ENTREP2: variants seen among roughly 807,000 people sequenced by gnomAD.
ENTREP2 encodes endosomal transmembrane epsin interactor 2, also known as protein ENTREP2.
the ENTREP2 span, among the ~76,000 whole-genome samples, chr15:29,263,523 T>C: frequency 6.6e-6 from 1 of 152,188 alleles, no homozygotes; most frequent in Admixed American, 6.5e-5. Flanking sequence ...ATGTGGATGG[T>C]GTGGCAGAGA....
At chr15:29,126,257 G>T in the ENTREP2 span, 1 of 1,455,762 alleles carries the variant, frequency 6.9e-7, no homozygotes, top group Non-Finnish European at 9.1e-7. Context: ...GGTGAGCCTG[G>T]CCAACCTACC....
At chr15:29,489,126 TCAGTA>T in the ENTREP2 span, among the ~76,000 whole-genome samples, 1 of 144,462 alleles carries the variant, frequency 6.9e-6, no homozygotes, top group Non-Finnish European at 1.5e-5. Context: ...TAATTTCACC[TCAGTA>T]AAGAAAAATA....
At chr15:29,573,638 TCTCCCCCCC>T in the ENTREP2 span, among the ~76,000 whole-genome samples, 1 of 151,694 alleles carries the variant, frequency 6.6e-6, no homozygotes, top group Non-Finnish European at 1.5e-5. Context: ...CTTCTCTCTC[TCTCCCCCCC>T]TCTCTCTCTC....
the ENTREP2 span, among the ~76,000 whole-genome samples, chr15:29,316,048 A>C: frequency 6.6e-6 from 1 of 152,256 alleles, no homozygotes; most frequent in Non-Finnish European, 1.5e-5. Flanking sequence ...AATGATAACT[A>C]GAATTTTCAG....
the ENTREP2 span, among the ~76,000 whole-genome samples, chr15:29,273,497 G>A: frequency 7.9e-5 from 12 of 152,058 alleles, no homozygotes; most frequent in Admixed American, 1.3e-4. Context: ...CGCTCCTGGC[G>A]TAAATTAAAT....
the ENTREP2 span, among the ~76,000 whole-genome samples, chr15:29,410,524 G>C: frequency 6.6e-6 from 1 of 151,908 alleles, no homozygotes. Flanking sequence ...CCCCTCAGGA[G>C]CCAGCACGAT....
At chr15:29,395,703 T>A in the ENTREP2 span, among the ~76,000 whole-genome samples, 2 of 118,570 alleles carry the variant, frequency 1.7e-5, no homozygotes, top group Non-Finnish European at 3.3e-5. Flanking sequence ...AGTTTTCGTA[T>A]TTTTTTTTCT....
At chr15:29,443,304 T>C in the ENTREP2 span, among the ~76,000 whole-genome samples, 6 of 152,208 alleles carry the variant, frequency 3.9e-5, no homozygotes, top group East Asian at 9.7e-4. Context: ...CCTTATGCAG[T>C]GGGAAGACAA....
At chr15:29,132,127 A>T in the ENTREP2 span, among the ~76,000 whole-genome samples, 1 of 152,048 alleles carries the variant, frequency 6.6e-6, no homozygotes, top group Non-Finnish European at 1.5e-5. Context: ...ATCCAAACTG[A>T]GGCCGAGGGC....
At chr15:29,257,598 T>G in the ENTREP2 span, among the ~76,000 whole-genome samples, 2 of 152,216 alleles carry the variant, frequency 1.3e-5, no homozygotes, top group African/African-American at 2.4e-5. Flanking sequence ...ATCATACGAC[T>G]GGTACTATTT....
the ENTREP2 span, among the ~76,000 whole-genome samples, chr15:29,411,883 C>A: frequency 6.6e-6 from 1 of 152,190 alleles, no homozygotes; most frequent in African/African-American, 2.4e-5. Flanking sequence ...CTGCTCCTGG[C>A]CTGCCCTGCA....
chr15:29,558,355 T>C, the ENTREP2 span, among the ~76,000 whole-genome samples: 1 of 151,886 alleles, frequency 6.6e-6, no homozygotes, highest in Non-Finnish European at 1.5e-5. Context: ...GCCCACCAGG[T>C]AGGATGAGTG....
At chr15:29,555,955 C>G in the ENTREP2 span, among the ~76,000 whole-genome samples, 1 of 152,160 alleles carries the variant, frequency 6.6e-6, no homozygotes, top group South Asian at 2.1e-4. Flanking sequence ...AGCTTCTTCC[C>G]GAAGAAGGGG....
At chr15:29,655,633 G>A in the ENTREP2 span, among the ~76,000 whole-genome samples, 1 of 151,946 alleles carries the variant, frequency 6.6e-6, no homozygotes, top group Admixed American at 6.6e-5. Flanking sequence ...AAGGCTTGTG[G>A]AAAAATTCAC....
the ENTREP2 span, chr15:29,268,731 C>T: frequency 1.3e-6 from 2 of 1,526,588 alleles, no homozygotes; most frequent in Non-Finnish European, 1.8e-6. Context: ...TCCCCCAATC[C>T]TCTAAACTGT....
At chr15:29,415,532 C>G in the ENTREP2 span, among the ~76,000 whole-genome samples, 1 of 152,092 alleles carries the variant, frequency 6.6e-6, no homozygotes, top group African/African-American at 2.4e-5. Flanking sequence ...GACAAACCCA[C>G]AGCCAATATC....
At chr15:29,244,898 C>G in the ENTREP2 span, among the ~76,000 whole-genome samples, 1 of 152,162 alleles carries the variant, frequency 6.6e-6, no homozygotes, top group Non-Finnish European at 1.5e-5. Context: ...AAGAGCTTCT[C>G]ATTAAATTCA....
the ENTREP2 span, among the ~76,000 whole-genome samples, chr15:29,203,644 C>T: frequency 5.9e-5 from 9 of 152,122 alleles, no homozygotes; most frequent in East Asian, 1.9e-4. Flanking sequence ...TTGAAATATA[C>T]GAGGCATTAT....
At chr15:29,570,481 C>A in the ENTREP2 span, 1 of 1,279,750 alleles carries the variant, frequency 7.8e-7, no homozygotes, top group Non-Finnish European at 9.9e-7. Context: ...CGGAGCCCGT[C>A]CCCGCCTGGT....
Sources: gnomAD v4.1 joint callset for allele counts (sites outside exome capture counted in the v4.1 genomes callset) on GRCh38, gnomAD v4.1.1 for gene constraint, MANE v1.5 for transcripts, NCBI Gene and HGNC (gene_info 2026-07-23, HGNC 2026-07-21) for gene names.